Variants in ETV6 observed in about 807,000 individuals in gnomAD.
ETV6 encodes the protein transcription factor ETV6.
ETV6 carries 16 observed loss-of-function variants against 51.1 expected under a neutral mutation model. That is an observed-to-expected ratio of 0.31 (90% CI 0.21 to 0.48). The LOEUF (loss-of-function observed/expected upper bound fraction) is 0.48, where lower values mean the gene tolerates loss of function less well. Among genes scored for constraint, ETV6 ranks in the 20% least tolerant of loss-of-function variants. ETV6 has a pLI of 0.99. For synonymous variants in ETV6, 240 were observed against 224.1 expected (o/e 1.07, Z -0.64); for missense variants, 458 against 594.8 (o/e 0.77, Z 2.39).
Position 11,892,810 on chromosome 12 carries a change from T to A in ETV6, c.*1764T>A, listed in dbSNP as rs1947315592. ...TCACACAGGCAAGAGGAATTTTCCC[T>A]CGGCCTTACTGACAAGGACACCAAC... On this transcript the variant is annotated 3_prime_UTR_variant, in exon 8 of 8. Transcript: ENST00000396373. 4.3e-6 allele frequency: 1 copy of A among 233,018 alleles called. No individual in the cohort carries two copies. The highest frequency in any genetic ancestry group is 8.5e-6 in the Non-Finnish European group (1 of 117,920). 14.4% of individuals were successfully genotyped at this position (233,018 alleles called of 1,614,324 possible). A position where few individuals can be genotyped will look rare whatever the true frequency, so the allele number is the denominator to read the frequency against.
intron 4 of ETV6, among the ~76,000 whole-genome samples, chr12:11,859,119 GTTTTTTTTTTTTTTTTTTTTTTTT>G (rs71057773): frequency 1.5e-5 from 1 of 66,136 alleles, no homozygotes; most frequent in African/African-American, 6.2e-5. Flanking sequence ...TATGAATCTG[GTTTTTTTTTTTTTTTTTTTTTTTT>G]TTTTTTTTTT....
intron 1 of ETV6, among the ~76,000 whole-genome samples, chr12:11,744,586 A>G (rs1362113356): frequency 1.3e-5 from 2 of 152,234 alleles, no homozygotes; most frequent in African/African-American, 4.8e-5. Context: ...TGCTGTTAGT[A>G]GGACATGCAC....
At chr12:11,815,123 C>CT (rs1282098219) in intron 2 of ETV6, among the ~76,000 whole-genome samples, 1 of 152,144 alleles carries the variant, frequency 6.6e-6, no homozygotes, top group Non-Finnish European at 1.5e-5. Context: ...CTACTTAGGA[C>CT]TTAGTGATGT....
In ETV6 at chr12:11,719,740, G is replaced by T. The variant is rs116343618; in HGVS notation, c.34-32710G>T. Among the ~76,000 whole-genome samples, 820 of 152,340 alleles carry T rather than the reference G, an allele frequency of 5.4e-3. 5 individuals are homozygous for T. Among genetic ancestry groups the T allele is most frequent in the African/African-American group, 0.019 (784 of 41,570 alleles). ...CTGTGCATTAAAATCCAGCACGGGGGTGGGTCTGGGGCAAGGGACAAGAGA... is the reference window on the plus strand; with the variant it reads ...CTGTGCATTAAAATCCAGCACGGGGTTGGGTCTGGGGCAAGGGACAAGAGA... On this transcript the variant is annotated intron_variant, in intron 1 of 7. Coordinates refer to ENST00000396373, the MANE Select transcript of ETV6 (RefSeq NM_001987.5).
Position 11,766,539 on chromosome 12 carries a change from C to G in ETV6, c.163+13960C>G, listed in dbSNP as rs975150924. On this transcript the variant is annotated intron_variant, in intron 2 of 7. Transcript: ENST00000396373. ...TTCATGCTTCCCTTCCTCCCACCCC[C>G]GCCATTAGCTGCCACCAGCTCCATC... Among the ~76,000 whole-genome samples the G allele has an allele frequency of 3.3e-5, 5 of 152,214 alleles. No individual in the cohort carries two copies. The East Asian group carries it at 9.6e-4, about 29-fold the overall frequency.
intron 1 of ETV6, among the ~76,000 whole-genome samples, chr12:11,727,279 C>T (rs1865508670): frequency 6.6e-6 from 1 of 152,240 alleles, no homozygotes; most frequent in African/African-American, 2.4e-5. Context: ...TTATATAACG[C>T]AGACATGCCC....
chr12:11,696,582 CCGAGGCAAGAGGATCACT>C lies in ETV6; in HGVS notation c.33+46423_33+46440del, dbSNP rs1864882758. Among the ~76,000 whole-genome samples the C allele has an allele frequency of 5.9e-5, 9 of 152,268 alleles. 1 individual carries two copies. The South Asian group carries it at 1.9e-3, about 32-fold the overall frequency. On this transcript the variant is annotated intron_variant, in intron 1 of 7. Transcript: ENST00000396373. The stretch of plus-strand genomic sequence containing the variant: ...ACCTGTAATCCCAGCATTTGAGAAG[CCGAGGCAAGAGGATCACT>C]TGAGTCAGGAGTTCGATACCAGCCT...
At chr12:11,677,801 T>G (rs1184381988) in intron 1 of ETV6, among the ~76,000 whole-genome samples, 1 of 152,238 alleles carries the variant, frequency 6.6e-6, no homozygotes, top group Non-Finnish European at 1.5e-5. Context: ...GCACCTACTT[T>G]ATAGTGTTTC....
Position 11,859,383 on chromosome 12 carries a change from C to T in ETV6, c.463+5822C>T, listed in dbSNP as rs1012360629. Among the ~76,000 whole-genome samples the T allele has an allele frequency of 1.1e-4, 16 of 151,868 alleles. 1 individual carries two copies. Among genetic ancestry groups the T allele is most frequent in the Middle Eastern group, 3.4e-3 (1 of 294 alleles). ...GTCTCGATCTCCTGACCTCGTGATC[C>T]GCCCGCCTCGGCCTCCCAAAGTGCT... On this transcript the variant is annotated intron_variant, in intron 4 of 7. Coordinates refer to ENST00000396373, the MANE Select transcript of ETV6 (RefSeq NM_001987.5).
Position 11,895,289 on chromosome 12 carries a change from GAA to G in ETV6, c.*4252_*4253del. 1 of 186,356 alleles carries G rather than the reference GAA, an allele frequency of 5.4e-6. No homozygotes were observed. 11.5% of individuals were successfully genotyped at this position (186,356 alleles called of 1,614,324 possible). A position where few individuals can be genotyped will look rare whatever the true frequency, so the allele number is the denominator to read the frequency against. On this transcript the variant is annotated 3_prime_UTR_variant, in exon 8 of 8. Coordinates refer to ENST00000396373, the MANE Select transcript of ETV6 (RefSeq NM_001987.5). ...TGAATCAAATGAATGTAACAAAAAA[GAA>G]AAAAAAAACAAAAAAAAATGCCTTT... is the stretch of plus-strand genomic sequence containing the variant.
rs372952930 is a variant in ETV6, at chr12:11,889,423, G to A, written c.1254-1518G>A. 1.9e-4 allele frequency among the ~76,000 whole-genome samples: 29 copies of A among 152,276 alleles called. No homozygotes were observed. In the East Asian group the frequency reaches 4.2e-3, roughly 22 times the overall value. On this transcript the variant is annotated intron_variant, in intron 7 of 7. Coordinates refer to ENST00000396373, the MANE Select transcript of ETV6 (RefSeq NM_001987.5). ...ACTTGCCACAAAATGAAGGTTTCTTGGTATAAGACCTAGTATGTAATCAAG... is the reference window on the plus strand; with the variant it reads ...ACTTGCCACAAAATGAAGGTTTCTTAGTATAAGACCTAGTATGTAATCAAG...
At position 11,741,495 on chromosome 12, in the gene ETV6, G is replaced by A. The variant is rs117896009; in HGVS notation, c.34-10955G>A. Among the ~76,000 whole-genome samples, 1,065 of 152,332 alleles carry A rather than the reference G, an allele frequency of 7.0e-3. 9 individuals carry two copies. Among genetic ancestry groups the A allele is most frequent in the Middle Eastern group, 0.017 (5 of 294 alleles). On this transcript the variant is annotated intron_variant, in intron 1 of 7. Transcript: ENST00000396373. ...CTTGTCTTGCTCCTGCCACACACAA[G>A]TGCAGCCAGTGCTCAGGACACTGCT...
intron 2 of ETV6, among the ~76,000 whole-genome samples, chr12:11,822,647 C>A (rs1362563700): frequency 6.6e-6 from 1 of 152,182 alleles, no homozygotes. Context: ...CCAGGCATTA[C>A]TAATTTGGGC....
chr12:11,693,289 G>A (rs1388108686), intron 1 of ETV6, among the ~76,000 whole-genome samples: 1 of 152,192 alleles, frequency 6.6e-6, no homozygotes, highest in African/African-American at 2.4e-5. Flanking sequence ...GTAACATGCA[G>A]CGTATGCAGT....
chr12:11,834,282 TC>T (rs906607731), intron 2 of ETV6, among the ~76,000 whole-genome samples: 18 of 152,314 alleles, frequency 1.2e-4, no homozygotes, highest in Middle Eastern at 3.4e-3. Context: ...GGCAGGTTGA[TC>T]CTGAGTCAGT....
chr12:11,809,789 A>T (rs7311667), intron 2 of ETV6, among the ~76,000 whole-genome samples: 44,662 of 147,594 alleles, frequency 0.3, 7,453 homozygotes, highest in African/African-American at 0.45. Context: ...TGCTTGGAAA[A>T]TGGGGAGGGA....
rs1491453814 is a variant in ETV6 at position 11,874,650 on chromosome 12, A to ATG, written c.1009+4682_1009+4683insGT. ...TGTGTATGTGTGTGTGTATATACAC[A>ATG]TATGTGTGTATATGTATATATGTGT... On this transcript the variant is annotated intron_variant, in intron 5 of 7. Transcript: ENST00000396373. Among the ~76,000 whole-genome samples the ATG allele has an allele frequency of 4.2e-3, 6 of 1,440 alleles. 2 individuals carry two copies. Among genetic ancestry groups the ATG allele is most frequent in the African/African-American group, 6.5e-3 (6 of 926 alleles). The allele number at this position is 1,440 out of a possible 152,430, so 0.9% of individuals were successfully genotyped here.
At chr12:11,739,340 C>T (rs185008485) in intron 1 of ETV6, among the ~76,000 whole-genome samples, 16 of 152,290 alleles carry the variant, frequency 1.1e-4, no homozygotes, top group African/African-American at 3.4e-4. Flanking sequence ...GGGAATAGTG[C>T]GTGGCCCCCA....
At chr12:11,651,017 CTG>C (rs1441692386) in intron 1 of ETV6, among the ~76,000 whole-genome samples, 4 of 152,208 alleles carry the variant, frequency 2.6e-5, no homozygotes, top group African/African-American at 7.2e-5. Context: ...TCTGTAAAGA[CTG>C]TGGTGCTGCG....
Sources: allele counts gnomAD v4.1 joint callset (sites outside exome capture counted in the v4.1 genomes callset), GRCh38; gene constraint gnomAD v4.1.1; transcripts MANE v1.5; gene names NCBI Gene and HGNC (gene_info 2026-07-23, HGNC 2026-07-21).